HECW1: variants seen among roughly 807,000 people sequenced by gnomAD.
HECW1 encodes E3 ubiquitin-protein ligase HECW1.
A neutral mutation model predicts 182.3 loss-of-function variants in HECW1; 61 were observed. The observed-to-expected ratio is 0.33, with a 90% CI of 0.27 to 0.41. The LOEUF (loss-of-function observed/expected upper bound fraction) is 0.41, where lower values mean the gene tolerates loss of function less well. Among genes scored for constraint, HECW1 ranks in the 10% least tolerant of loss-of-function variants. The probability of loss-of-function intolerance (pLI) is 1.00; values close to 1 mark genes in which losing one functional copy is unlikely to be tolerated. For missense variants in HECW1, 1,739 were observed against 2,108.9 expected (o/e 0.82, Z 3.44); for synonymous variants, 859 against 832.6 (o/e 1.03, Z -0.55).
chr7:43,363,909 A>G (rs1359675743), intron 6 of HECW1, among the ~76,000 whole-genome samples: 1 of 152,218 alleles, frequency 6.6e-6, no homozygotes, highest in African/African-American at 2.4e-5. Context: ...CAGTTTGGGT[A>G]TAATCTAGCA....
intron 24 of HECW1, among the ~76,000 whole-genome samples, chr7:43,514,202 A>G (rs1025358971): frequency 6.6e-6 from 1 of 152,120 alleles, no homozygotes; most frequent in African/African-American, 2.4e-5. Context: ...CAACCCATCC[A>G]CCAGAAATCT....
Position 43,493,068 on chromosome 7 carries a change from C to T in HECW1, c.3341-16C>T, listed in dbSNP as rs28759310. 4,776 of 1,581,528 alleles carry T rather than the reference C, an allele frequency of 3.0e-3. 57 individuals carry two copies. The East Asian group carries it at 0.039, about 13-fold the overall frequency. On this transcript the variant is annotated splice_polypyrimidine_tract_variant and intron_variant, in intron 18 of 29. Coordinates refer to ENST00000395891, the MANE Select transcript of HECW1 (RefSeq NM_015052.5). ...GGCTGCAGACTCAACCACAACTGTG[C>T]TTTTGTCTGTTTCAGCATATAATGA... is the stretch of plus-strand genomic sequence containing the variant.
chr7:43,297,341 C>T (rs1294869907), intron 3 of HECW1, among the ~76,000 whole-genome samples: 1 of 152,230 alleles, frequency 6.6e-6, no homozygotes, highest in Non-Finnish European at 1.5e-5. Flanking sequence ...TCTAACACTT[C>T]CTAATCAGCA....
intron 9 of HECW1, 30 bp downstream of exon 9, chr7:43,438,175 CT>C: frequency 6.2e-7 from 1 of 1,601,550 alleles, no homozygotes; most frequent in Non-Finnish European, 8.5e-7. Context: ...CTTACTATCA[CT>C]AGGTTCCCAC....
chr7:43,498,207 G>A (rs1471684652), intron 19 of HECW1, among the ~76,000 whole-genome samples: 12 of 152,212 alleles, frequency 7.9e-5, no homozygotes, highest in Admixed American at 2.0e-4. Flanking sequence ...AGAAAATCGG[G>A]CTTAGCATTC....
intron 2 of HECW1, among the ~76,000 whole-genome samples, chr7:43,149,386 G>A (rs1048294717): frequency 1.3e-5 from 2 of 152,028 alleles, no homozygotes; most frequent in African/African-American, 2.4e-5. Context: ...CCAAAATAAG[G>A]GTCATGCTAC....
At chr7:43,543,781 CA>C (rs35618213) in intron 26 of HECW1, among the ~76,000 whole-genome samples, 178 of 49,638 alleles carry the variant, frequency 3.6e-3, no homozygotes, top group Middle Eastern at 0.014. Flanking sequence ...CTCCATCTCA[CA>C]AAAAAAAAAA....
intron 24 of HECW1, among the ~76,000 whole-genome samples, chr7:43,514,672 C>T (rs2080055762): frequency 6.6e-6 from 1 of 152,042 alleles, no homozygotes; most frequent in African/African-American, 2.4e-5. Context: ...ACTTTTTTAT[C>T]CTTTTCATAT....
At chr7:43,469,336 C>T (rs994296121) in intron 16 of HECW1, among the ~76,000 whole-genome samples, 4 of 152,194 alleles carry the variant, frequency 2.6e-5, no homozygotes, top group African/African-American at 7.2e-5. Context: ...CTAGCCCTCA[C>T]GCTGCTAGAT....
At chr7:43,200,607 G>T (rs1794937718) in intron 2 of HECW1, among the ~76,000 whole-genome samples, 1 of 152,198 alleles carries the variant, frequency 6.6e-6, no homozygotes, top group African/African-American at 2.4e-5. Context: ...GTGAGACACA[G>T]AGCTTTGCCA....
At chr7:43,225,631 A>T (rs556410807) in intron 2 of HECW1, among the ~76,000 whole-genome samples, 2 of 152,336 alleles carry the variant, frequency 1.3e-5, no homozygotes, top group Non-Finnish European at 2.9e-5. Context: ...TAAGAATTTT[A>T]TTCCTATAAT....
intron 2 of HECW1, among the ~76,000 whole-genome samples, chr7:43,239,420 G>A (rs1049813243): frequency 1.3e-5 from 2 of 152,140 alleles, no homozygotes; most frequent in African/African-American, 4.8e-5. Flanking sequence ...CTTCCTTCAT[G>A]TACCGGGTTG....
intron 2 of HECW1, among the ~76,000 whole-genome samples, chr7:43,206,201 ATT>A: frequency 6.6e-6 from 1 of 152,180 alleles, no homozygotes; most frequent in African/African-American, 2.4e-5. Context: ...ACAAGGGAGC[ATT>A]TTAAGGGTTC....
chr7:43,507,096 GA>G, intron 21 of HECW1, 40 bp from the exon 22 acceptor site: 1 of 1,585,858 alleles, frequency 6.3e-7, no homozygotes, highest in East Asian at 2.3e-5. Context: ...AGAAGAAGAA[GA>G]AGAAAGAAAG....
At chr7:43,122,066 ATTTG>A (rs1259795213) in intron 2 of HECW1, 1 of 152,144 alleles carries the variant, frequency 6.6e-6, no homozygotes, top group African/African-American at 2.4e-5. Context: ...ACAGATTTTT[ATTTG>A]TTTGTTGATT....
chr7:43,118,595 A>T (rs1352091163), intron 2 of HECW1: 1 of 152,218 alleles, frequency 6.6e-6, no homozygotes, highest in Non-Finnish European at 1.5e-5. Context: ...TATCCTCAAA[A>T]GGACTTCTTT....
intron 5 of HECW1, among the ~76,000 whole-genome samples, chr7:43,349,686 T>TC (rs1289929475): frequency 3.9e-5 from 6 of 152,226 alleles, no homozygotes; most frequent in Non-Finnish European, 8.8e-5. Context: ...CCCTGCTCAC[T>TC]TTTGGTGTCC....
chr7:43,143,594 C>T (rs1347430429), intron 2 of HECW1, among the ~76,000 whole-genome samples: 1 of 152,116 alleles, frequency 6.6e-6, no homozygotes, highest in African/African-American at 2.4e-5. Context: ...CTGGATGCCT[C>T]CTTTAGATGC....
At chr7:43,265,028 GA>G (rs1271700224) in intron 3 of HECW1, among the ~76,000 whole-genome samples, 1 of 152,056 alleles carries the variant, frequency 6.6e-6, no homozygotes, top group African/African-American at 2.4e-5. Context: ...ATATAGTCAA[GA>G]AATTAGGAAA....
Sources: allele counts gnomAD v4.1 joint callset (sites outside exome capture counted in the v4.1 genomes callset), GRCh38; gene constraint gnomAD v4.1.1; transcripts MANE v1.5; gene names NCBI Gene and HGNC (gene_info 2026-07-23, HGNC 2026-07-21).